The following CAMKK2 variants were observed in gnomAD, a reference collection of about 807,000 sequenced individuals.
CAMKK2 encodes the protein calcium/calmodulin-dependent protein kinase kinase 2.
In CAMKK2, 30 loss-of-function variants were observed where a neutral mutation model predicts 67.2. That is an observed-to-expected ratio of 0.45 (90% CI 0.33 to 0.61). The LOEUF (loss-of-function observed/expected upper bound fraction) is 0.61, where lower values mean the gene tolerates loss of function less well. Ranked by LOEUF, CAMKK2 falls within the 20% of genes least tolerant of loss-of-function variation. CAMKK2 has a pLI of 0.02. For missense variants in CAMKK2, 643 were observed against 802.0 expected (o/e 0.80, Z 2.39); for synonymous variants, 322 against 326.2 (o/e 0.99, Z 0.14).
intron 6 of CAMKK2, among the ~76,000 whole-genome samples, chr12:121,263,406 G>C (rs1374321965): frequency 1.3e-5 from 2 of 152,130 alleles, no homozygotes; most frequent in Non-Finnish European, 2.9e-5. Context: ...AGTGCACCCG[G>C]ACTTGTTTTT....
chr12:121,266,865 T>C (rs1198808955), intron 5 of CAMKK2, among the ~76,000 whole-genome samples: 1 of 151,944 alleles, frequency 6.6e-6, no homozygotes, highest in African/African-American at 2.4e-5. Flanking sequence ...GGAGCTTATG[T>C]TGAAGCAGCC....
rs1891136985 is a variant in CAMKK2 at position 121,253,198 on chromosome 12, TG to T, written c.1107+74del. ...ATTCACTGTTTAAGCCTGTGTGCGTTGGGTTTCTGCTGCTTACAATCCAGAA... is the reference window on the plus strand; with the variant it reads ...ATTCACTGTTTAAGCCTGTGTGCGTTGGTTTCTGCTGCTTACAATCCAGAA... On this transcript the variant is annotated intron_variant, in intron 10 of 16. Coordinates refer to ENST00000404169, the MANE Select transcript of CAMKK2 (RefSeq NM_001270485.2). This position sits in a 1 kb window ranked among gnomAD's most constrained non-coding sequence, Gnocchi z 5.0. 1 of 1,313,440 alleles carries T rather than the reference TG, an allele frequency of 7.6e-7. No individual in the cohort carries two copies. Among genetic ancestry groups the T allele is most frequent in the East Asian group, 2.3e-5 (1 of 42,858 alleles). The allele number at this position is 1,313,440 out of a possible 1,614,324, so 81.4% of individuals were successfully genotyped here. A position where few individuals can be genotyped will look rare whatever the true frequency, so the allele number is the denominator to read the frequency against.
At chr12:121,259,331 G>A (rs1001499412) in intron 7 of CAMKK2, among the ~76,000 whole-genome samples, 6 of 152,050 alleles carry the variant, frequency 3.9e-5, no homozygotes, top group Admixed American at 6.6e-5. Context: ...CAAAACCCAC[G>A]CATCACACTC....
chr12:121,289,374 G>A (rs889316699), intron 1 of CAMKK2, among the ~76,000 whole-genome samples: 1 of 152,148 alleles, frequency 6.6e-6, no homozygotes, highest in South Asian at 2.1e-4. Flanking sequence ...GCAGCCAGGG[G>A]TCTTCCCTAC....
At chr12:121,281,202 C>T (rs1308097593) in intron 1 of CAMKK2, among the ~76,000 whole-genome samples, 1 of 152,240 alleles carries the variant, frequency 6.6e-6, no homozygotes, top group Non-Finnish European at 1.5e-5. Flanking sequence ...AGGTCCCCCG[C>T]TAGACGCGGG....
At position 121,248,731 on chromosome 12, in the gene CAMKK2, G is replaced by A. The variant is rs762593990; in HGVS notation, c.1327C>T (p.His443Tyr). 29 of 1,613,970 alleles carry A rather than the reference G, an allele frequency of 1.8e-5. No homozygotes were observed. The highest frequency in any genetic ancestry group is 3.3e-5 in the Admixed American group (2 of 60,014). Residue 443 changes from histidine (H) to tyrosine (Y), a missense_variant, in exon 14 of 17, where the codon CAC becomes TAC. This residue lies in a region of CAMKK2 where 483 missense variants were observed against 625.8 expected (regional missense o/e 0.77). Transcript: ENST00000404169. ...SRIVVPEIKL[H>Y]PWVTRHGAEP... ...GCCCCATGCCTCGTGACCCAGGGGT[G>A]CAGCTTCAACGAACGACAGGAGGGG...
At chr12:121,265,569 G>A (rs1427951841) in intron 5 of CAMKK2, among the ~76,000 whole-genome samples, 1 of 152,130 alleles carries the variant, frequency 6.6e-6, no homozygotes, top group Non-Finnish European at 1.5e-5. Context: ...GATTAGTGCT[G>A]TTATAAAAGA....
chr12:121,285,536 T>A lies in CAMKK2; in HGVS notation c.-59-10951A>T, dbSNP rs557723672. 1.3e-5 allele frequency among the ~76,000 whole-genome samples: 2 copies of A among 151,842 alleles called. No homozygotes were observed. The highest frequency in any genetic ancestry group is 3.9e-4 in the East Asian group (2 of 5,130). ...ACAGAGTAGATGTGTGGGCCAGGCA[T>A]GGTGGCTCACGCCTGTGCTCCTAGC... On this transcript the variant is annotated intron_variant, in intron 1 of 16. Coordinates refer to ENST00000404169, the MANE Select transcript of CAMKK2 (RefSeq NM_001270485.2). This position sits in a 1 kb window ranked among gnomAD's most constrained non-coding sequence, Gnocchi z 4.1.
intron 1 of CAMKK2, among the ~76,000 whole-genome samples, chr12:121,281,385 C>A (rs1478588987): frequency 6.6e-6 from 1 of 152,244 alleles, no homozygotes; most frequent in African/African-American, 2.4e-5. Flanking sequence ...CCCAAAACAG[C>A]TCCGAGGATC....
Position 121,255,382 on chromosome 12 carries a change from T to TATATATAATTTTATATATATAATTTTATA in CAMKK2, c.907+167_907+168insTATAAAATTATATATATAAAATTATATAT, listed in dbSNP as rs1892028017. 3.6e-4 allele frequency among the ~76,000 whole-genome samples: 11 copies of TATATATAATTTTATATATATAATTTTATA among 30,690 alleles called. 2 individuals are homozygous for TATATATAATTTTATATATATAATTTTATA. Among genetic ancestry groups the TATATATAATTTTATATATATAATTTTATA allele is most frequent in the Non-Finnish European group, 5.6e-4 (10 of 17,910 alleles). 20.1% of individuals were successfully genotyped at this position (30,690 alleles called of 152,430 possible). On this transcript the variant is annotated intron_variant, in intron 9 of 16. Coordinates refer to ENST00000404169, the MANE Select transcript of CAMKK2 (RefSeq NM_001270485.2). ...TATATATAATTTTATATATATAATT[T>TATATATAATTTTATATATATAATTTTATA]TATATATATATATGTATCTCCTATT...
intron 3 of CAMKK2, chr12:121,269,880 C>G (rs1895382795): frequency 3.9e-6 from 1 of 253,508 alleles, no homozygotes; most frequent in African/African-American, 2.2e-5. Context: ...GAAACCGCGT[C>G]TCTACTAAAA....
At chr12:121,275,638 A>C (rs911885826) in intron 1 of CAMKK2, among the ~76,000 whole-genome samples, 3 of 152,048 alleles carry the variant, frequency 2.0e-5, no homozygotes, top group Non-Finnish European at 4.4e-5. Context: ...AAAATATGCA[A>C]CTCCACAGAG....
At chr12:121,247,440 G>A (rs1156498944) in intron 14 of CAMKK2, among the ~76,000 whole-genome samples, 1 of 152,172 alleles carries the variant, frequency 6.6e-6, no homozygotes, top group Non-Finnish European at 1.5e-5. Context: ...CCAAGAACCC[G>A]TCCCAGAGAC....
intron 16 of CAMKK2, among the ~76,000 whole-genome samples, chr12:121,241,386 C>G (rs905726427): frequency 3.9e-5 from 6 of 152,266 alleles, no homozygotes; most frequent in Admixed American, 3.9e-4. Flanking sequence ...GACAACTGCT[C>G]CAGGGATCCT....
At chr12:121,286,631 T>G (rs1898790634) in intron 1 of CAMKK2, among the ~76,000 whole-genome samples, 1 of 150,826 alleles carries the variant, frequency 6.6e-6, no homozygotes, top group South Asian at 2.1e-4. Context: ...GCAGCCTTGA[T>G]CTCCCGGGCT....
At chr12:121,279,149 T>A (rs1897301457) in intron 1 of CAMKK2, among the ~76,000 whole-genome samples, 1 of 152,250 alleles carries the variant, frequency 6.6e-6, no homozygotes, top group East Asian at 1.9e-4. Flanking sequence ...TTAATCGGCC[T>A]CCTTGGCAAG....
chr12:121,244,404 G>A (rs28360478), intron 16 of CAMKK2, among the ~76,000 whole-genome samples, 169 bp downstream of exon 16: 14,787 of 152,248 alleles, frequency 0.097, 901 homozygotes, highest in Non-Finnish European at 0.14. Context: ...CCAAGCCCCC[G>A]AGGCCCCTCA....
intron 14 of CAMKK2, among the ~76,000 whole-genome samples, chr12:121,248,116 G>A (rs1889871534): frequency 6.6e-6 from 1 of 152,192 alleles, no homozygotes; most frequent in Non-Finnish European, 1.5e-5. Context: ...GCCATAAAAG[G>A]GGACCTACTT....
rs997208386 is a variant in CAMKK2 at position 121,243,871 on chromosome 12, A to G, written c.1596+702T>C. The G allele has an allele frequency of 9.5e-6, 13 of 1,362,208 alleles. No individual in the cohort carries two copies. The East Asian group carries it at 3.4e-4, about 36-fold the overall frequency. 84.4% of individuals were successfully genotyped at this position (1,362,208 alleles called of 1,614,324 possible). ...AAGTGACTGCCTGGAGCTCCCACCA[A>G]GTCAGGTAGCCATGATGTGCTCAGT... On this transcript the variant is annotated intron_variant, in intron 16 of 16. Transcript: ENST00000404169.
Sources: allele counts gnomAD v4.1 joint callset (sites outside exome capture counted in the v4.1 genomes callset), GRCh38; gene constraint gnomAD v4.1.1; regional missense constraint gnomAD v4.1.1; non-coding constraint Gnocchi (gnomAD v3.1); transcripts MANE v1.5; gene names NCBI Gene and HGNC (gene_info 2026-07-23, HGNC 2026-07-21).